TULP4: variants seen among roughly 807,000 people sequenced by gnomAD.
TULP4 encodes tubby-related protein 4.
A neutral mutation model predicts 129.0 loss-of-function variants in TULP4; 16 were observed. The observed-to-expected ratio is 0.12, with a 90% CI of 0.08 to 0.19. TULP4 has a LOEUF of 0.19. Among genes scored for constraint, TULP4 ranks in the 10% least tolerant of loss-of-function variants. The probability of loss-of-function intolerance (pLI) is 1.00; values close to 1 mark genes in which losing one functional copy is unlikely to be tolerated. For missense variants in TULP4, 1,842 were observed against 2,059.1 expected, an observed-to-expected ratio of 0.89 and a Z score of 2.04; for synonymous variants, 998 against 854.0, an observed-to-expected ratio of 1.17 and a Z score of -2.94.
intron 5 of TULP4, among the ~76,000 whole-genome samples, chr6:158,452,642 A>G (rs1389018052): frequency 6.6e-6 from 1 of 152,246 alleles, no homozygotes; most frequent in African/African-American, 2.4e-5. Flanking sequence ...ACAAGACATC[A>G]TTTACACAGA....
chr6:158,502,024 G>A lies in TULP4; in HGVS notation c.2361G>A (p.Thr787=), dbSNP rs781480392. Residue 787 remains threonine, a synonymous_variant, in exon 13 of 14, where the codon ACG becomes ACA. Coordinates refer to ENST00000367097, the MANE Select transcript of TULP4 (RefSeq NM_020245.5). ...PPPQGPMQLS[T]VGHGDRDHEH... is the part of the protein sequence containing the mutation. ...CGCAGGGGCCCATGCAGCTGTCCACGGTGGGCCATGGAGACCGAGACCACG... is the reference window on the plus strand; with the variant it reads ...CGCAGGGGCCCATGCAGCTGTCCACAGTGGGCCATGGAGACCGAGACCACG... The A allele has an allele frequency of 7.4e-6, 12 of 1,613,080 alleles. No homozygotes were observed. The highest frequency in any genetic ancestry group is 2.2e-5 in the South Asian group (2 of 91,024).
chr6:158,504,422 C>T (rs965620158), intron 13 of TULP4, among the ~76,000 whole-genome samples: 2 of 151,966 alleles, frequency 1.3e-5, no homozygotes, highest in Non-Finnish European at 2.9e-5. Flanking sequence ...TCTTGGCTTC[C>T]TGCAAGCTAC....
At chr6:158,297,126 G>A (rs1428600222) in intron 1 of TULP4, among the ~76,000 whole-genome samples, 3 of 151,980 alleles carry the variant, frequency 2.0e-5, no homozygotes, top group African/African-American at 4.8e-5. Context: ...CTCCCAGAGC[G>A]GCCGTTTATA....
chr6:158,249,089 CAA>C (rs3884262), intron 1 of TULP4, among the ~76,000 whole-genome samples: 29 of 106,502 alleles, frequency 2.7e-4, no homozygotes, highest in Non-Finnish European at 2.7e-4. Flanking sequence ...GACCCTGTCT[CAA>C]AAAAAAAAAA....
chr6:158,461,670 A>T lies in TULP4; in HGVS notation c.967A>T (p.Met323Leu). Reference sequence around the variant, plus strand: ...CAATGGTCCCCTTCTGAAGAGTGCCATGGTCAAGTTCTACAATGTTCGTGG... The same window carrying T: ...CAATGGTCCCCTTCTGAAGAGTGCCTTGGTCAAGTTCTACAATGTTCGTGG... Reference protein sequence around the residue: ...LPNGPLLKSAMVKFYNVRGEH... With the variant: ...LPNGPLLKSALVKFYNVRGEH... The change falls in exon 6 of 14, where the codon ATG (methionine) becomes TTG (leucine). Residue 323 changes from methionine to leucine, a missense_variant. Coordinates refer to ENST00000367097, the MANE Select transcript of TULP4 (RefSeq NM_020245.5). The T allele has an allele frequency of 6.2e-7, 1 of 1,614,128 alleles. No individual in the cohort carries two copies.
intron 1 of TULP4, among the ~76,000 whole-genome samples, chr6:158,371,513 C>T (rs1583807983): frequency 1.3e-5 from 2 of 152,254 alleles, no homozygotes; most frequent in Admixed American, 6.5e-5. Context: ...TTATGAAGTG[C>T]ACTGCCTGTC....
chr6:158,496,239 T>C (rs1172944905), intron 11 of TULP4, among the ~76,000 whole-genome samples: 2 of 152,268 alleles, frequency 1.3e-5, no homozygotes, highest in Non-Finnish European at 2.9e-5. Context: ...GCCGTGGCCC[T>C]CCATTTTGAG....
chr6:158,342,032 C>T (rs1014068061), intron 1 of TULP4, among the ~76,000 whole-genome samples: 2 of 152,172 alleles, frequency 1.3e-5, no homozygotes, highest in Non-Finnish European at 2.9e-5. Flanking sequence ...AATTCTCCTG[C>T]CTCAGCCTCC....
At chr6:158,437,135 G>A (rs772459442) in intron 3 of TULP4, among the ~76,000 whole-genome samples, 2 of 152,206 alleles carry the variant, frequency 1.3e-5, no homozygotes, top group Non-Finnish European at 2.9e-5. Context: ...TCATATACAT[G>A]TTTTGCAAGA....
At chr6:158,321,858 G>A (rs1287875837) in intron 1 of TULP4, among the ~76,000 whole-genome samples, 1 of 152,084 alleles carries the variant, frequency 6.6e-6, no homozygotes, top group African/African-American at 2.4e-5. Context: ...TACTTCTAAA[G>A]TACTTTTCTT....
At chr6:158,232,976 C>T (rs1194756667) in intron 1 of TULP4, among the ~76,000 whole-genome samples, 1 of 152,262 alleles carries the variant, frequency 6.6e-6, no homozygotes, top group Non-Finnish European at 1.5e-5. Context: ...CGAGCACCAA[C>T]CCTTCCTCTT....
rs538168746 is a variant in TULP4, at chr6:158,449,888, A to C, written c.724+712A>C. ...CCCCTGCACCCATCTCTTTTAAAAA[A>C]ATTGAGATACAATAATTGTACATAT... On this transcript the variant is annotated intron_variant, in intron 4 of 13. Coordinates refer to ENST00000367097, the MANE Select transcript of TULP4 (RefSeq NM_020245.5). Among the ~76,000 whole-genome samples, 10 of 152,278 alleles carry C rather than the reference A, an allele frequency of 6.6e-5. No individual in the cohort carries two copies. In the East Asian group the frequency reaches 1.2e-3, roughly 18 times the overall value.
intron 12 of TULP4, 22 bp from the exon 13 acceptor site, chr6:158,501,656 C>A: frequency 6.3e-7 from 1 of 1,597,236 alleles, no homozygotes; most frequent in South Asian, 1.1e-5. Context: ...GTAAGCAGTT[C>A]CTTTTTCTAA....
upstream of TULP4, among the ~76,000 whole-genome samples, chr6:158,279,757 C>T (rs1197762371): frequency 6.6e-6 from 1 of 152,106 alleles, no homozygotes. Flanking sequence ...AGGTCCTCTT[C>T]ACTCTTAGTG....
At position 158,443,192 on chromosome 6, in the gene TULP4, C is replaced by T. The variant is rs562637086; in HGVS notation, c.544-5804C>T. Among the ~76,000 whole-genome samples the T allele has an allele frequency of 2.6e-5, 4 of 152,260 alleles. No individual in the cohort carries two copies. The South Asian group carries it at 6.2e-4, about 24-fold the overall frequency. ...AGAGACTGGTTTTCACCGTGTTGGT[C>T]AGGATGGTCTCGATCTCCTGACCTT... On this transcript the variant is annotated intron_variant, in intron 3 of 13. Coordinates refer to ENST00000367097, the MANE Select transcript of TULP4 (RefSeq NM_020245.5).
intron 1 of TULP4, among the ~76,000 whole-genome samples, chr6:158,326,124 T>A (rs751444038): frequency 2.6e-5 from 4 of 152,240 alleles, no homozygotes; most frequent in Non-Finnish European, 4.4e-5. Context: ...TTTACACTGT[T>A]TAAACTATGT....
chr6:158,331,754 CACGT>C lies in TULP4; in HGVS notation c.252+17487_252+17490del, dbSNP rs1779894276. Among the ~76,000 whole-genome samples, 5 of 15,284 alleles carry C rather than the reference CACGT, an allele frequency of 3.3e-4. 1 individual carries two copies. The highest frequency in any genetic ancestry group is 4.2e-3 in the East Asian group (1 of 236). 10.0% of individuals were successfully genotyped at this position (15,284 alleles called of 152,430 possible). A position where few individuals can be genotyped will look rare whatever the true frequency, so the allele number is the denominator to read the frequency against. On this transcript the variant is annotated intron_variant, in intron 1 of 13. Transcript: ENST00000367097. The stretch of plus-strand genomic sequence containing the variant: ...ATACGTATATATATACGTGTATATA[CACGT>C]GTATATATACACGTATATATACACA...
chr6:158,415,506 C>G (rs1226030064), intron 2 of TULP4, among the ~76,000 whole-genome samples: 2 of 150,558 alleles, frequency 1.3e-5, no homozygotes, highest in Admixed American at 6.6e-5. Context: ...CCCACCACCA[C>G]GCCCGGCTAA....
At chr6:158,308,391 A>G (rs1303326039), upstream of TULP4, among the ~76,000 whole-genome samples, 1 of 151,740 alleles carries the variant, frequency 6.6e-6, no homozygotes. Context: ...AAAGTTTCCC[A>G]TGTCTACTTC....
Sources: gnomAD v4.1 joint callset for allele counts (sites outside exome capture counted in the v4.1 genomes callset) on GRCh38, gnomAD v4.1.1 for gene constraint, MANE v1.5 for transcripts, NCBI Gene and HGNC (gene_info 2026-07-23, HGNC 2026-07-21) for gene names.